The following DAGLA variants were observed in gnomAD, a reference collection of about 807,000 sequenced individuals.
DAGLA encodes the protein diacylglycerol lipase-alpha.
Under a neutral mutation model 102.6 loss-of-function variants are expected in DAGLA, and 22 were observed. The ratio of observed to expected loss-of-function variants is 0.21; its 90% CI spans 0.15 to 0.31. The LOEUF (loss-of-function observed/expected upper bound fraction) is 0.31. DAGLA is among the 10% of genes least tolerant of loss of function. DAGLA has a pLI of 1.00. For synonymous variants in DAGLA, 578 were observed against 628.9 expected (o/e 0.92, Z 1.21); for missense variants, 927 against 1,446.6 (o/e 0.64, Z 5.83).
chr11:61,733,300 A>C (rs1591049616), intron 9 of DAGLA, among the ~76,000 whole-genome samples: 1 of 152,200 alleles, frequency 6.6e-6, no homozygotes, highest in African/African-American at 2.4e-5. Context: ...ACAGCTGCCG[A>C]GCACAGGAGC....
chr11:61,718,494 C>A (rs896465924), intron 1 of DAGLA, among the ~76,000 whole-genome samples: 14 of 152,110 alleles, frequency 9.2e-5, no homozygotes, highest in Non-Finnish European at 1.3e-4. Context: ...CCCCAGCCCC[C>A]CCTCCTGTCC....
chr11:61,726,101 C>T lies in DAGLA; in HGVS notation c.636+19C>T, dbSNP rs1434500397. 9 of 1,606,324 alleles carry T rather than the reference C, an allele frequency of 5.6e-6. No individual in the cohort carries two copies. The African/African-American group carries it at 1.2e-4, about 21-fold the overall frequency. ...CCAGTCAGTAAGTACTGGGAGGTCG[C>T]TCCCCTCTGGCTCACATCCTGTGGT... On this transcript the variant is annotated intron_variant, in intron 6 of 19. Transcript: ENST00000257215.
intron 19 of DAGLA, among the ~76,000 whole-genome samples, chr11:61,741,802 G>A (rs562414688): frequency 2.6e-5 from 4 of 151,928 alleles, no homozygotes; most frequent in African/African-American, 7.2e-5. Flanking sequence ...AGTAGAGATG[G>A]GATTTCACCA....
At chr11:61,701,049 G>A (rs539370335) in intron 1 of DAGLA, among the ~76,000 whole-genome samples, 9 of 152,246 alleles carry the variant, frequency 5.9e-5, no homozygotes, top group Admixed American at 3.3e-4. Context: ...CCTTTTTCCC[G>A]GAACCGGGGC....
intron 9 of DAGLA, among the ~76,000 whole-genome samples, chr11:61,732,259 C>T (rs565729245): frequency 6.6e-5 from 10 of 152,298 alleles, no homozygotes; most frequent in Middle Eastern, 3.4e-3. Context: ...CCCACAGCAG[C>T]CACACCCACT....
At chr11:61,707,867 G>A (rs1033744779) in intron 1 of DAGLA, among the ~76,000 whole-genome samples, 1 of 152,178 alleles carries the variant, frequency 6.6e-6, no homozygotes, top group Non-Finnish European at 1.5e-5. Context: ...TGGTGGCAGG[G>A]CTGGGCAGGG....
chr11:61,711,815 C>T (rs1192957842), intron 1 of DAGLA, among the ~76,000 whole-genome samples: 7 of 152,222 alleles, frequency 4.6e-5, no homozygotes, highest in Non-Finnish European at 1.0e-4. Context: ...ACAGGCCCTG[C>T]AACCTCAGGC....
In DAGLA at chr11:61,720,152, A is replaced by G; in HGVS notation, c.-4A>G. 1 of 1,612,166 alleles carries G rather than the reference A, an allele frequency of 6.2e-7. No individual in the cohort carries two copies. ...CCCACTGAGCCTCTGCAGAGCCACC[A>G]GCCATGCCCGGGATCGTGGTGTTCC... is the stretch of plus-strand genomic sequence containing the variant. On this transcript the variant is annotated 5_prime_UTR_variant, in exon 2 of 20. Transcript: ENST00000257215.
rs2065516449 is a variant in DAGLA, at chr11:61,744,368, T to C, written c.3008T>C (p.Leu1003Pro). The C allele has an allele frequency of 6.2e-7, 1 of 1,612,132 alleles. No individual in the cohort carries two copies. Among genetic ancestry groups the C allele is most frequent in the African/African-American group, 1.3e-5 (1 of 75,036 alleles). Residue 1003 changes from leucine (L) to proline (P), a missense_variant, in exon 20 of 20, where the codon CTG becomes CCG. Transcript: ENST00000257215. Reference protein sequence around the residue: ...PLSSSGELMDLTPTGLSSQEC... With the variant: ...PLSSSGELMDPTPTGLSSQEC... ...AGCTCCTCGGGTGAGCTCATGGACC[T>C]GACGCCCACGGGCCTCAGTAGCCAG...
At position 61,742,124 on chromosome 11, in the gene DAGLA, T is replaced by C. The variant is rs575021421; in HGVS notation, c.2171+775T>C. Among the ~76,000 whole-genome samples, 354 of 152,108 alleles carry C rather than the reference T, an allele frequency of 2.3e-3. 4 individuals carry two copies. Among genetic ancestry groups the C allele is most frequent in the African/African-American group, 7.5e-3 (312 of 41,468 alleles). On this transcript the variant is annotated intron_variant, in intron 19 of 19. Transcript: ENST00000257215. ...ACACATGTGGACAGGCAGGTGCTCATGGAAATGCATGAATACACCTGTGCA... is the reference window on the plus strand; with the variant it reads ...ACACATGTGGACAGGCAGGTGCTCACGGAAATGCATGAATACACCTGTGCA...
intron 1 of DAGLA, among the ~76,000 whole-genome samples, chr11:61,694,970 G>A (rs1381528956): frequency 6.6e-6 from 1 of 152,224 alleles, no homozygotes; most frequent in African/African-American, 2.4e-5. Flanking sequence ...CGCCAGTGGA[G>A]GGGCTCTGCC....
At chr11:61,713,694 C>A (rs967054186) in intron 1 of DAGLA, among the ~76,000 whole-genome samples, 2 of 152,242 alleles carry the variant, frequency 1.3e-5, no homozygotes, top group African/African-American at 4.8e-5. Flanking sequence ...GGTGAGCCCA[C>A]CCTAGCTGGG....
rs563501324 is a variant in DAGLA, at chr11:61,743,828, T to C, written c.2468T>C (p.Ile823Thr). 2.5e-6 allele frequency: 4 copies of C among 1,612,558 alleles called. No individual in the cohort carries two copies. The highest frequency in any genetic ancestry group is 2.2e-5 in the East Asian group (1 of 44,878). Residue 823 changes from isoleucine to threonine, a missense_variant, in exon 20 of 20, where the codon ATT becomes ACT. Physicochemically the swap from Ile to Thr is moderately conservative, Grantham distance 89. This residue lies in a region of DAGLA where 434 missense variants were observed against 503.3 expected (regional missense o/e 0.86). Transcript: ENST00000257215. ...CGTGATGAAGGCCACCTCTTCTACA[T>C]TGACCCTGCCATCCCCGAGGAAAAC... The part of the protein sequence containing the change: ...LERDEGHLFY[I>T]DPAIPEENPS...
chr11:61,712,412 C>T (rs536109495), intron 1 of DAGLA, among the ~76,000 whole-genome samples: 3 of 152,206 alleles, frequency 2.0e-5, no homozygotes, highest in East Asian at 3.9e-4. Flanking sequence ...GTGGGAAAGG[C>T]GTTTGTTAGC....
intron 1 of DAGLA, among the ~76,000 whole-genome samples, chr11:61,714,687 A>T (rs957265783): frequency 6.6e-6 from 1 of 152,110 alleles, no homozygotes; most frequent in African/African-American, 2.4e-5. Flanking sequence ...CGCTGCTGGG[A>T]TGGATATCAC....
rs1238580540 is a variant in DAGLA at position 61,682,855 on chromosome 11, G to GA, written c.-45+2351_-45+2352insA. Among the ~76,000 whole-genome samples the GA allele has an allele frequency of 6.4e-3, 965 of 151,834 alleles. 7 individuals carry two copies. Among genetic ancestry groups the GA allele is most frequent in the Admixed American group, 0.016 (246 of 15,198 alleles). ...TGAGGCTGGATGGCAGGGGGACGGG[G>GA]GGGGGAGGTGTGGAGGATGCCCTCA... is the stretch of plus-strand genomic sequence containing the variant. On this transcript the variant is annotated intron_variant, in intron 1 of 19. Coordinates refer to ENST00000257215, the MANE Select transcript of DAGLA (RefSeq NM_006133.3).
intron 10 of DAGLA, 54 bp downstream of exon 10, chr11:61,735,056 A>G: frequency 6.3e-7 from 1 of 1,581,308 alleles, no homozygotes; most frequent in South Asian, 1.1e-5. Flanking sequence ...CTGAGGGCCT[A>G]GGGTGCTGAG....
chr11:61,728,346 C>T (rs2065347499), intron 7 of DAGLA, 59 bp downstream of exon 7: 2 of 1,588,040 alleles, frequency 1.3e-6, no homozygotes, highest in South Asian at 2.2e-5. Flanking sequence ...CTTTCAGGCC[C>T]CTTCCCTGTG....
intron 1 of DAGLA, among the ~76,000 whole-genome samples, chr11:61,719,436 G>A (rs1259889158): frequency 6.6e-6 from 1 of 152,206 alleles, no homozygotes; most frequent in African/African-American, 2.4e-5. Context: ...TGGAGGCATA[G>A]CTGTGGTGGG....
Sources: gnomAD v4.1 joint callset for allele counts (sites outside exome capture counted in the v4.1 genomes callset) on GRCh38, gnomAD v4.1.1 for gene constraint, gnomAD v4.1.1 regional missense constraint, MANE v1.5 for transcripts, NCBI Gene and HGNC (gene_info 2026-07-23, HGNC 2026-07-21) for gene names.